The following MED13L variants were observed in gnomAD, a reference collection of about 807,000 sequenced individuals.
MED13L encodes the protein mediator complex subunit 13L.
MED13L carries 7 observed loss-of-function variants against 220.9 expected under a neutral mutation model. The observed-to-expected ratio is 0.03, with a 90% CI of 0.02 to 0.06. MED13L has a LOEUF of 0.06. MED13L is among the 10% of genes least tolerant of loss of function. The pLI, the probability that MED13L is intolerant of heterozygous loss-of-function variation, is 1.00. For missense variants in MED13L, 1,965 were observed against 2,760.5 expected, an observed-to-expected ratio of 0.71 and a Z score of 6.46; for synonymous variants, 1,011 against 1,015.2, an observed-to-expected ratio of 1.00 and a Z score of 0.08.
At chr12:116,198,689 C>T (rs1031116703) in intron 2 of MED13L, among the ~76,000 whole-genome samples, 1 of 152,116 alleles carries the variant, frequency 6.6e-6, no homozygotes, top group Non-Finnish European at 1.5e-5. Context: ...CATCCTGCCT[C>T]TAACACCTCC....
chr12:116,256,290 CA>C (rs1212694657), intron 1 of MED13L, among the ~76,000 whole-genome samples: 3,446 of 80,230 alleles, frequency 0.043, 58 homozygotes, highest in Middle Eastern at 0.11. Context: ...TACTATTTAG[CA>C]AAAAAAAAAA....
intron 4 of MED13L, among the ~76,000 whole-genome samples, chr12:116,065,716 G>C (rs1214936950): frequency 2.6e-5 from 4 of 152,304 alleles, no homozygotes; most frequent in Non-Finnish European, 5.9e-5. Context: ...AAAAGTCAAA[G>C]AAGTCTTCTA....
At chr12:116,220,432 C>T (rs1328032289) in intron 2 of MED13L, among the ~76,000 whole-genome samples, 3 of 152,210 alleles carry the variant, frequency 2.0e-5, no homozygotes, top group African/African-American at 7.2e-5. Context: ...GACGTGGTGA[C>T]TCATGCCTAT....
At chr12:116,142,423 C>A (rs1471794552) in intron 2 of MED13L, among the ~76,000 whole-genome samples, 1 of 152,202 alleles carries the variant, frequency 6.6e-6, no homozygotes, top group African/African-American at 2.4e-5. Context: ...CTCAGTGGCT[C>A]ACACCTGTAA....
At chr12:116,255,793 A>T (rs1357024426) in intron 1 of MED13L, among the ~76,000 whole-genome samples, 1 of 152,250 alleles carries the variant, frequency 6.6e-6, no homozygotes, top group Non-Finnish European at 1.5e-5. Context: ...AAAAAATTAC[A>T]AACTGAAATA....
At chr12:116,162,642 T>G (rs1419232040) in intron 2 of MED13L, among the ~76,000 whole-genome samples, 1 of 152,226 alleles carries the variant, frequency 6.6e-6, no homozygotes, top group African/African-American at 2.4e-5. Flanking sequence ...TGAGAAGAAT[T>G]AAGTACTAGA....
At chr12:116,181,235 T>G (rs1880498327) in intron 2 of MED13L, 1 of 151,910 alleles carries the variant, frequency 6.6e-6, no homozygotes, top group Non-Finnish European at 1.5e-5. Context: ...AGTTACTTCT[T>G]AAACAGAAAA....
intron 2 of MED13L, among the ~76,000 whole-genome samples, chr12:116,220,883 G>A (rs1186488295): frequency 1.3e-5 from 2 of 152,074 alleles, no homozygotes; most frequent in Non-Finnish European, 2.9e-5. Flanking sequence ...GTGTGGTTCT[G>A]CACTTTTAAA....
chr12:116,169,877 C>T (rs1338427567), intron 2 of MED13L, among the ~76,000 whole-genome samples: 5 of 152,094 alleles, frequency 3.3e-5, no homozygotes, highest in Non-Finnish European at 7.4e-5. Context: ...ATCACCAGGG[C>T]GTGTGGCATG....
intron 17 of MED13L, among the ~76,000 whole-genome samples, chr12:115,990,731 C>T (rs1391737943): frequency 2.0e-5 from 3 of 152,116 alleles, no homozygotes; most frequent in Admixed American, 6.5e-5. Flanking sequence ...AAGCTCCTGA[C>T]GACTCTGATA....
At chr12:116,224,742 A>G (rs1270161608) in intron 2 of MED13L, among the ~76,000 whole-genome samples, 2 of 152,190 alleles carry the variant, frequency 1.3e-5, no homozygotes, top group African/African-American at 4.8e-5. Context: ...CAGTGGCACA[A>G]TCTTGGCTCA....
Position 116,022,462 on chromosome 12 carries a change from A to G in MED13L, c.619T>C (p.Phe207Leu). The change falls in exon 5 of 31, where the codon TTT becomes CTT. Residue 207 changes from phenylalanine to leucine, a missense_variant. Around this residue, in one of 10 missense-constraint regions of MED13L, gnomAD observed 818 missense variants for 1,041.2 expected, o/e 0.79. Coordinates refer to ENST00000281928, the MANE Select transcript of MED13L (RefSeq NM_015335.5). Reference sequence around the variant, plus strand: ...CAGGAACACCCATACTTACCTTGAAATGGTGCAGGTGAAGACTGAGCCATG... The same window carrying G: ...CAGGAACACCCATACTTACCTTGAAGTGGTGCAGGTGAAGACTGAGCCATG... ...IHMAQSSPAPFQVLVSPYGLN... is the reference protein window; with the variant it reads ...IHMAQSSPAPLQVLVSPYGLN... 6.2e-7 allele frequency: 1 copy of G among 1,613,698 alleles called. No individual in the cohort carries two copies. Among genetic ancestry groups the G allele is most frequent in the South Asian group, 1.1e-5 (1 of 91,038 alleles).
intron 4 of MED13L, among the ~76,000 whole-genome samples, chr12:116,070,516 A>C (rs1870284416): frequency 6.6e-6 from 1 of 152,224 alleles, no homozygotes; most frequent in Non-Finnish European, 1.5e-5. Flanking sequence ...TCTAAGGTAC[A>C]AAGCAGCAAA....
chr12:116,104,533 T>C (rs1200693131), intron 3 of MED13L, among the ~76,000 whole-genome samples: 1 of 152,320 alleles, frequency 6.6e-6, no homozygotes, highest in African/African-American at 2.4e-5. Context: ...TACAGCTGTG[T>C]TATAAACTAC....
chr12:116,082,775 CT>C (rs936582108), intron 4 of MED13L: 1 of 152,128 alleles, frequency 6.6e-6, no homozygotes, highest in Non-Finnish European at 1.5e-5. Context: ...CAACAGGCCT[CT>C]TTACAACTAC....
chr12:115,967,183 A>C (rs969315988), intron 28 of MED13L, among the ~76,000 whole-genome samples: 7 of 151,470 alleles, frequency 4.6e-5, no homozygotes, highest in Non-Finnish European at 7.4e-5. Context: ...AAAAAAAAAA[A>C]AAAAAAAAAA....
At chr12:116,159,359 G>A (rs936666713) in intron 2 of MED13L, among the ~76,000 whole-genome samples, 7 of 152,108 alleles carry the variant, frequency 4.6e-5, no homozygotes, top group African/African-American at 1.4e-4. Flanking sequence ...GAGAATGCCA[G>A]AATACATTTT....
chr12:116,007,436 T>C lies in MED13L; in HGVS notation c.2213A>G (p.Glu738Gly). 6.2e-7 allele frequency: 1 copy of C among 1,613,614 alleles called. No individual in the cohort carries two copies. The highest frequency in any genetic ancestry group is 8.5e-7 in the Non-Finnish European group (1 of 1,179,532). ...CTTATTCTTTTTCAGGGAATCTTTC[T>C]CCGTCCCTTGTTTGCATTTCTTGTT... ...TANKKCKQGT[E>G]KDSLKKNKSE... Residue 738 changes from glutamate to glycine, a missense_variant, in exon 11 of 31, where the codon GAG becomes GGG. Physicochemically the swap from Glu to Gly is moderately conservative, Grantham distance 98. Coordinates refer to ENST00000281928, the MANE Select transcript of MED13L (RefSeq NM_015335.5).
At position 115,972,353 on chromosome 12, in the gene MED13L, A is replaced by ATTATGGCT. The variant is rs1876645071; in HGVS notation, c.5732-125_5732-118dup. 5 of 1,209,160 alleles carry ATTATGGCT rather than the reference A, an allele frequency of 4.1e-6. No homozygotes were observed. The East Asian group carries it at 1.2e-4, about 30-fold the overall frequency. 74.9% of individuals were successfully genotyped at this position (1,209,160 alleles called of 1,614,324 possible). A position where few individuals can be genotyped will look rare whatever the true frequency, so the allele number is the denominator to read the frequency against. Reference sequence around the variant, plus strand: ...TTTCCAAGGTTGGGCCCTAAAGGGAATTATGGCTTTACATATGTTCCCCTC... The same window carrying ATTATGGCT: ...TTTCCAAGGTTGGGCCCTAAAGGGAATTATGGCTTTATGGCTTTACATATGTTCCCCTC... On this transcript the variant is annotated intron_variant, in intron 25 of 30. Coordinates refer to ENST00000281928, the MANE Select transcript of MED13L (RefSeq NM_015335.5).
Sources: gnomAD v4.1 joint callset for allele counts (sites outside exome capture counted in the v4.1 genomes callset) on GRCh38, gnomAD v4.1.1 for gene constraint, gnomAD v4.1.1 regional missense constraint, MANE v1.5 for transcripts, NCBI Gene and HGNC (gene_info 2026-07-23, HGNC 2026-07-21) for gene names.